Variants in NAPRT observed in about 807,000 individuals in gnomAD.
NAPRT encodes the protein FHA-HIT-interacting protein.
NAPRT carries 66 observed loss-of-function variants against 60.7 expected under a neutral mutation model. That is an observed-to-expected ratio of 1.09 (90% CI 0.89 to 1.33). The LOEUF (loss-of-function observed/expected upper bound fraction) is 1.33, where lower values mean the gene tolerates loss of function less well. Among genes scored for constraint, NAPRT ranks in the 40% most tolerant of loss-of-function variants. The pLI is 0.00. For synonymous variants in NAPRT, 405 were observed against 335.7 expected (o/e 1.21, Z -2.26); for missense variants, 818 against 731.5 (o/e 1.12, Z -1.36).
At chr8:143,573,791 C>T (rs1161670696), downstream of NAPRT, 1 of 152,358 alleles carries the variant, frequency 6.6e-6, no homozygotes, top group East Asian at 1.9e-4. Context: ...CTGTATCTCT[C>T]TCCTAGCTCG....
Position 143,577,839 on chromosome 8 carries a change from C to T in NAPRT, c.331G>A (p.Glu111Lys). The T allele has an allele frequency of 1.1e-5, 18 of 1,610,912 alleles. No individual in the cohort carries two copies. Among genetic ancestry groups the T allele is most frequent in the Admixed American group, 6.7e-5 (4 of 59,814 alleles). Residue 111 changes from glutamate (E) to lysine (K), a missense_variant, in exon 2 of 13, where the codon GAG becomes AAG. Transcript: ENST00000449291. ...ACTCCGGGGAAGGCGAGGGAGCCCT[C>T]GGGCAGGGCTCGCACCGTCACCTCG... ...CSEVTVRALP[E>K]GSLAFPGVPL...
Position 143,575,097 on chromosome 8 carries a change from C to A in NAPRT, c.1447-4G>T. On this transcript the variant is annotated splice_polypyrimidine_tract_variant and splice_region_variant and intron_variant, in intron 11 of 12. Coordinates refer to ENST00000449291, the MANE Select transcript of NAPRT (RefSeq NM_145201.6). Reference sequence around the variant, plus strand: ...GGGATGGGAGCGGCTCACACAGCTGCAGGGAGGAGGTAAGGAAAGAGAAGC... The same window carrying A: ...GGGATGGGAGCGGCTCACACAGCTGAAGGGAGGAGGTAAGGAAAGAGAAGC... The A allele has an allele frequency of 6.6e-7, 1 of 1,526,608 alleles. No homozygotes were observed. The highest frequency in any genetic ancestry group is 8.8e-7 in the Non-Finnish European group (1 of 1,132,578). 94.6% of individuals were successfully genotyped at this position (1,526,608 alleles called of 1,614,324 possible).
At chr8:143,573,293 G>A (rs748834876), downstream of NAPRT, among the ~76,000 whole-genome samples, 4 of 152,212 alleles carry the variant, frequency 2.6e-5, no homozygotes, top group Non-Finnish European at 4.4e-5. Context: ...TGTGGAGGGG[G>A]CAGTGAAGAC....
chr8:143,576,983 G>T, intron 5 of NAPRT, 79 bp downstream of exon 5: 1 of 1,532,892 alleles, frequency 6.5e-7, no homozygotes, highest in Non-Finnish European at 9.0e-7. Flanking sequence ...ACCTGCCTGG[G>T]TGGCACACCT....
chr8:143,573,944 G>C (rs1012685816), downstream of NAPRT: 1 of 152,314 alleles, frequency 6.6e-6, no homozygotes, highest in South Asian at 2.1e-4. Context: ...AGACGGAAGT[G>C]CCCCAGGCGG....
In NAPRT at chr8:143,575,659, G is replaced by A. The variant is rs1440028336; in HGVS notation, c.1151C>T (p.Thr384Ile). The A allele has an allele frequency of 8.8e-6, 14 of 1,596,068 alleles. No homozygotes were observed. Among genetic ancestry groups the A allele is most frequent in the East Asian group, 2.3e-5 (1 of 44,300 alleles). ...ACCCAGGGAAGGCTGTTGGGGGCAG[G>A]TGACCACACTGGTGCCAATGCCAAT... ...NVIGIGTSVV[T>I]CPQQPSLGGV... The change falls in exon 9 of 13, where the codon ACC (threonine) becomes ATC (isoleucine). Residue 384 changes from threonine to isoleucine, a missense_variant. Thr to Ile is a moderately conservative substitution (Grantham distance 89). Transcript: ENST00000449291.
rs1215471947 is a variant in NAPRT, at chr8:143,574,979, C to T, written c.1554+7G>A. 2 of 1,544,222 alleles carry T rather than the reference C, an allele frequency of 1.3e-6. No individual in the cohort carries two copies. Among genetic ancestry groups the T allele is most frequent in the African/African-American group, 2.7e-5 (2 of 73,012 alleles). On this transcript the variant is annotated splice_region_variant and intron_variant, in intron 12 of 12. Transcript: ENST00000449291. ...GGGCAGAATGACAGGGTGGGCCTCC[C>T]CCCAACCTGGTACTGTGCAGGGCTC...
At position 143,578,287 on chromosome 8, in the gene NAPRT, G is replaced by C. The variant is rs962049312; in HGVS notation, c.32C>G (p.Ala11Gly). 1.4e-6 allele frequency: 2 copies of C among 1,408,332 alleles called. No homozygotes were observed. Among genetic ancestry groups the C allele is most frequent in the African/African-American group, 1.5e-5 (1 of 65,886 alleles). 87.2% of individuals were successfully genotyped at this position (1,408,332 alleles called of 1,614,324 possible). A position where few individuals can be genotyped will look rare whatever the true frequency, so the allele number is the denominator to read the frequency against. The part of the protein sequence containing the change: MAAEQDPEAR[A>G]AARPLLTDLY... ...GTCAGTGAGCAGCGGCCGCGCCGCC[G>C]CGCGCGCCTCGGGGTCCTGCTCCGC... Residue 11 changes from alanine (A) to glycine (G), a missense_variant, in exon 1 of 13, where the codon GCG becomes GGG. Physicochemically the swap from Ala to Gly is moderately conservative, Grantham distance 60 (BLOSUM62 0). Coordinates refer to ENST00000449291, the MANE Select transcript of NAPRT (RefSeq NM_145201.6).
At chr8:143,574,715 C>T (rs1303598842), downstream of NAPRT, 5 of 1,220,236 alleles carry the variant, frequency 4.1e-6, no homozygotes, top group East Asian at 2.5e-5. Context: ...CCGACTCCAG[C>T]CCAGCCGCAG....
chr8:143,577,222 G>C, intron 4 of NAPRT, 45 bp from the exon 5 acceptor site: 2 of 1,604,778 alleles, frequency 1.2e-6, no homozygotes, highest in African/African-American at 1.3e-5. Flanking sequence ...GGCCAAGATG[G>C]GGCTCCTCCT....
In NAPRT at chr8:143,574,924, C is replaced by T. The variant is rs751067362; in HGVS notation, c.1555-24G>A. The T allele has an allele frequency of 3.5e-5, 55 of 1,550,336 alleles. No homozygotes were observed. In the South Asian group the frequency reaches 5.1e-4, roughly 14 times the overall value. ...ACCTGCAGGGAGCAGAGGACAGGAGCGGTGGGCAGGGTGAGGGCGGGGGCG... is the reference window on the plus strand; with the variant it reads ...ACCTGCAGGGAGCAGAGGACAGGAGTGGTGGGCAGGGTGAGGGCGGGGGCG... On this transcript the variant is annotated intron_variant, in intron 12 of 12. Transcript: ENST00000449291.
rs1824442733 is a variant in NAPRT at position 143,576,177 on chromosome 8, G to C, written c.1023-15C>G. On this transcript the variant is annotated splice_polypyrimidine_tract_variant and intron_variant, in intron 7 of 12. Coordinates refer to ENST00000449291, the MANE Select transcript of NAPRT (RefSeq NM_145201.6). Reference sequence around the variant, plus strand: ...GCACCTGGAACCTGCCGCGTGGGTGGAGAAAGGGTGGGGGCCACCCCTCGG... The same window carrying C: ...GCACCTGGAACCTGCCGCGTGGGTGCAGAAAGGGTGGGGGCCACCCCTCGG... The C allele has an allele frequency of 6.3e-7, 1 of 1,582,918 alleles. No individual in the cohort carries two copies. The highest frequency in any genetic ancestry group is 2.3e-5 in the East Asian group (1 of 44,070).
chr8:143,576,250 G>C, intron 7 of NAPRT, 88 bp from the exon 8 acceptor site: 1 of 1,413,444 alleles, frequency 7.1e-7, no homozygotes, highest in Non-Finnish European at 9.6e-7. Context: ...CCCCGCCTCA[G>C]TCAAGGACAC....
intron 3 of NAPRT, 88 bp from the exon 4 acceptor site, chr8:143,577,487 C>G: frequency 6.7e-7 from 1 of 1,482,170 alleles, no homozygotes; most frequent in Non-Finnish European, 9.1e-7. Context: ...GAACTTCCAA[C>G]CTGGGAGCTC....
chr8:143,577,991 C>A (rs761508529), intron 1 of NAPRT, 48 bp from the exon 2 acceptor site: 1 of 1,574,524 alleles, frequency 6.4e-7, no homozygotes, highest in Non-Finnish European at 8.6e-7. Flanking sequence ...ACAGACCGGT[C>A]GTGGGACATG....
intron 1 of NAPRT, 75 bp from the exon 2 acceptor site, chr8:143,578,018 G>A: frequency 1.9e-6 from 3 of 1,538,696 alleles, no homozygotes; most frequent in Non-Finnish European, 1.8e-6. Context: ...TCCACGGGGG[G>A]ACAAGGACTT....
At chr8:143,577,222 G>T (rs752628270) in intron 4 of NAPRT, 45 bp from the exon 5 acceptor site, 1 of 1,604,778 alleles carries the variant, frequency 6.2e-7, no homozygotes, top group Non-Finnish European at 8.5e-7. Context: ...GGCCAAGATG[G>T]GGCTCCTCCT....
intron 1 of NAPRT, 68 bp downstream of exon 1, chr8:143,578,025 A>G (rs1418589591): frequency 1.7e-5 from 25 of 1,500,738 alleles, no homozygotes; most frequent in African/African-American, 2.9e-5. Context: ...GGGGACAAGG[A>G]CTTCCACCGG....
chr8:143,576,997 G>A (rs1235878815), intron 5 of NAPRT, 65 bp downstream of exon 5: 22 of 1,561,942 alleles, frequency 1.4e-5, no homozygotes, highest in South Asian at 1.0e-4. Context: ...CACACCTCTC[G>A]CCAGGGCAAG....
Sources: allele counts gnomAD v4.1 joint callset (sites outside exome capture counted in the v4.1 genomes callset), GRCh38; gene constraint gnomAD v4.1.1; transcripts MANE v1.5; gene names NCBI Gene and HGNC (gene_info 2026-07-23, HGNC 2026-07-21).